The following BAZ2B variants were observed in gnomAD, a reference collection of about 807,000 sequenced individuals.
The protein encoded by BAZ2B is bromodomain adjacent to zinc finger domain protein 2B.
Under a neutral mutation model 246.0 loss-of-function variants are expected in BAZ2B, and 91 were observed. The observed-to-expected ratio is 0.37, with a 90% CI of 0.31 to 0.44. The LOEUF is 0.44. BAZ2B is among the 20% of genes least tolerant of loss of function. The pLI is 1.00. For synonymous variants in BAZ2B, 855 were observed against 860.0 expected, an observed-to-expected ratio of 0.99 and a Z score of 0.10; for missense variants, 2,332 against 2,533.7, an observed-to-expected ratio of 0.92 and a Z score of 1.71.
At chr2:159,611,818 T>C (rs1694774792) in intron 1 of BAZ2B, among the ~76,000 whole-genome samples, 1 of 151,928 alleles carries the variant, frequency 6.6e-6, no homozygotes, top group Non-Finnish European at 1.5e-5. Flanking sequence ...TTAAATCTTA[T>C]TTACATGAAT....
intron 1 of BAZ2B, among the ~76,000 whole-genome samples, chr2:159,576,912 C>CAAAAAAA (rs34337483): frequency 2.0e-5 from 1 of 51,130 alleles, no homozygotes; most frequent in Admixed American, 2.6e-4. Flanking sequence ...GACTGTGTCT[C>CAAAAAAA]AAAAAAAAAA....
At chr2:159,489,902 C>A (rs1232882413) in intron 2 of BAZ2B, among the ~76,000 whole-genome samples, 1 of 152,010 alleles carries the variant, frequency 6.6e-6, no homozygotes, top group Non-Finnish European at 1.5e-5. Context: ...GAGAGTGAGA[C>A]CCTGTCTCAA....
At chr2:159,600,823 AAAT>A (rs1046770327) in intron 1 of BAZ2B, among the ~76,000 whole-genome samples, 6 of 152,370 alleles carry the variant, frequency 3.9e-5, no homozygotes, top group Admixed American at 3.9e-4. Flanking sequence ...GCAGAGCAGA[AAAT>A]AATCGAGCTA....
the BAZ2B span, chr2:159,670,762 T>C: frequency 6.6e-6 from 1 of 152,218 alleles, no homozygotes; most frequent in African/African-American, 2.4e-5. Context: ...GTTAATATCA[T>C]TTCTTGCTCA....
chr2:159,637,985 T>C, the BAZ2B span, among the ~76,000 whole-genome samples: 2 of 152,262 alleles, frequency 1.3e-5, no homozygotes, highest in Non-Finnish European at 2.9e-5. Flanking sequence ...ATTGCTGTGC[T>C]GGCTTCAGGT....
intron 3 of BAZ2B, among the ~76,000 whole-genome samples, chr2:159,465,205 T>C (rs2076893885): frequency 6.6e-6 from 1 of 152,248 alleles, no homozygotes; most frequent in African/African-American, 2.4e-5. Context: ...ACCTTGGGTA[T>C]GCTTCCTGTG....
chr2:159,510,891 T>C (rs891443563), intron 2 of BAZ2B, among the ~76,000 whole-genome samples: 2 of 152,192 alleles, frequency 1.3e-5, no homozygotes, highest in Non-Finnish European at 2.9e-5. Context: ...ATTAATCTTA[T>C]GCTCCTTTTG....
At chr2:159,318,346 A>G (rs2062326277), downstream of BAZ2B, among the ~76,000 whole-genome samples, 1 of 152,270 alleles carries the variant, frequency 6.6e-6, no homozygotes, top group Non-Finnish European at 1.5e-5. Flanking sequence ...ATATTTACAT[A>G]GTAACAGCTG....
At chr2:159,396,879 T>C (rs750790391) in intron 19 of BAZ2B, among the ~76,000 whole-genome samples, 2 of 152,146 alleles carry the variant, frequency 1.3e-5, no homozygotes, top group Non-Finnish European at 2.9e-5. Flanking sequence ...TACAATTCAA[T>C]GTAAAATCTT....
intron 3 of BAZ2B, among the ~76,000 whole-genome samples, chr2:159,474,358 T>C (rs1163042298): frequency 6.6e-6 from 1 of 152,250 alleles, no homozygotes; most frequent in African/African-American, 2.4e-5. Flanking sequence ...AAGTCTGTTT[T>C]ATCAGAGAGC....
chr2:159,679,338 T>A, the BAZ2B span, among the ~76,000 whole-genome samples: 1 of 151,896 alleles, frequency 6.6e-6, no homozygotes, highest in East Asian at 1.9e-4. Flanking sequence ...CTGACTCTGT[T>A]AAAGGTGACA....
rs1285187129 is a variant in BAZ2B, at chr2:159,533,761, AT to A, written c.-3+22061del. 2.0e-5 allele frequency among the ~76,000 whole-genome samples: 3 copies of A among 152,324 alleles called. No individual in the cohort carries two copies. In the East Asian group the frequency reaches 5.8e-4, roughly 29 times the overall value. On this transcript the variant is annotated intron_variant, in intron 2 of 36. Transcript: ENST00000392783. Reference sequence around the variant, plus strand: ...ATCCTGCTTCAGCCACTAGCTGGTCATTCATTAAATATCCTTTATGAGCAAC... The same window carrying A: ...ATCCTGCTTCAGCCACTAGCTGGTCATCATTAAATATCCTTTATGAGCAAC...
the BAZ2B span, among the ~76,000 whole-genome samples, chr2:159,709,106 A>T: frequency 1.3e-5 from 2 of 151,910 alleles, no homozygotes; most frequent in African/African-American, 2.4e-5. Flanking sequence ...ATCCCTTAGA[A>T]GTAGGAGTCC....
chr2:159,416,856 G>GA (rs951089665), intron 13 of BAZ2B, among the ~76,000 whole-genome samples: 7 of 152,144 alleles, frequency 4.6e-5, no homozygotes, highest in Non-Finnish European at 2.9e-5. Context: ...GAATCATTAG[G>GA]AAAATCTGAA....
intron 2 of BAZ2B, among the ~76,000 whole-genome samples, chr2:159,547,270 A>G (rs1358782498): frequency 6.6e-6 from 1 of 152,202 alleles, no homozygotes; most frequent in Non-Finnish European, 1.5e-5. Context: ...TTAAAAATGC[A>G]TTTAAAAATG....
chr2:159,398,697 C>T, intron 18 of BAZ2B, 132 bp downstream of exon 18: 4 of 739,518 alleles, frequency 5.4e-6, no homozygotes, highest in Non-Finnish European at 8.6e-6. Context: ...ACACTATACA[C>T]ATGTAGTATC....
the BAZ2B span, among the ~76,000 whole-genome samples, chr2:159,650,204 T>G: frequency 6.6e-6 from 1 of 152,136 alleles, no homozygotes; most frequent in African/African-American, 2.4e-5. Flanking sequence ...TTAGTCTTTT[T>G]TTTTTTTTGC....
At chr2:159,707,219 C>T in the BAZ2B span, among the ~76,000 whole-genome samples, 1 of 151,962 alleles carries the variant, frequency 6.6e-6, no homozygotes, top group African/African-American at 2.4e-5. Flanking sequence ...ACATTTGGCC[C>T]ATGTACCACA....
At chr2:159,549,535 C>A (rs72960206) in intron 2 of BAZ2B, among the ~76,000 whole-genome samples, 10,311 of 152,120 alleles carry the variant, frequency 0.068, 451 homozygotes, top group Non-Finnish European at 0.094. Context: ...CCGGGCTACA[C>A]TGGATGAAGA....
Sources: allele counts gnomAD v4.1 joint callset (sites outside exome capture counted in the v4.1 genomes callset), GRCh38; gene constraint gnomAD v4.1.1; transcripts MANE v1.5; gene names NCBI Gene and HGNC (gene_info 2026-07-23, HGNC 2026-07-21).